BAHCC1: variants seen among roughly 807,000 people sequenced by gnomAD.
The protein encoded by BAHCC1 is BAH domain and coiled-coil containing 1, also known as BAH and coiled-coil domain-containing protein 1.
Under a neutral mutation model 88.2 loss-of-function variants are expected in BAHCC1, and 43 were observed. The ratio of observed to expected loss-of-function variants is 0.49; its 90% confidence interval spans 0.38 to 0.63. The LOEUF (loss-of-function observed/expected upper bound fraction) is 0.63. BAHCC1 is among the 20% of genes least tolerant of loss of function. BAHCC1 has a pLI of 0.00. For missense variants in BAHCC1, 3,023 were observed against 1,654.8 expected, an observed-to-expected ratio of 1.83 and a Z score of -14.34; for synonymous variants, 1,510 against 745.5, an observed-to-expected ratio of 2.03 and a Z score of -16.71.
intron 2 of BAHCC1, among the ~76,000 whole-genome samples, chr17:81,426,135 T>G (rs1207994819): frequency 1.1e-3 from 82 of 76,656 alleles, no homozygotes; most frequent in African/African-American, 1.2e-3. Context: ...TAGTGGTTGG[T>G]GGTGATAGTG....
chr17:81,451,958 C>G lies in BAHCC1; in HGVS notation c.4180-13C>G. ...CTGGCCCGGCTCACAGGCCCCTGTG[C>G]CCCCCCCACCAGGTGTGCCCCCTGA... On this transcript the variant is annotated splice_polypyrimidine_tract_variant and intron_variant, in intron 12 of 27. Transcript: ENST00000675386. The G allele has an allele frequency of 1.9e-6, 1 of 539,928 alleles. No individual in the cohort carries two copies. Among genetic ancestry groups the G allele is most frequent in the Non-Finnish European group, 3.2e-6 (1 of 308,074 alleles). 33.4% of individuals were successfully genotyped at this position (539,928 alleles called of 1,614,324 possible).
intron 3 of BAHCC1, among the ~76,000 whole-genome samples, chr17:81,428,914 C>T (rs958454835): frequency 1.6e-4 from 24 of 152,210 alleles, no homozygotes; most frequent in Admixed American, 1.6e-3. Flanking sequence ...CCACAAGTGT[C>T]GACGTGAGCC....
intron 2 of BAHCC1, among the ~76,000 whole-genome samples, chr17:81,421,152 C>A (rs1249592308): frequency 6.6e-6 from 1 of 152,242 alleles, no homozygotes; most frequent in Admixed American, 6.5e-5. Flanking sequence ...AAGACCCCCT[C>A]CCTGGCCCCC....
chr17:81,458,596 C>T (rs1555658161), intron 18 of BAHCC1, 25 bp from the exon 19 acceptor site: 1 of 711,700 alleles, frequency 1.4e-6, no homozygotes, highest in South Asian at 1.5e-5. Flanking sequence ...TTGACTCAGC[C>T]CCTTCTCTGC....
rs1251390982 is a variant in BAHCC1, at chr17:81,447,690, T to C, written c.3818T>C (p.Leu1273Pro). Residue 1273 changes from leucine to proline, a missense_variant, in exon 11 of 28, where the codon CTG (leucine) becomes CCG (proline). Transcript: ENST00000675386. ...GCCGCCACCATCAACCTGGGGGACC[T>C]GCCCAGCGACAGCCCACCGGACCCT... ...LVAATINLGD[L>P]PSDSPPDPQP... 1 of 736,602 alleles carries C rather than the reference T, an allele frequency of 1.4e-6. No individual in the cohort carries two copies. Among genetic ancestry groups the C allele is most frequent in the Non-Finnish European group, 2.5e-6 (1 of 396,612 alleles). 45.6% of individuals were successfully genotyped at this position (736,602 alleles called of 1,614,324 possible).
intron 2 of BAHCC1, among the ~76,000 whole-genome samples, chr17:81,408,960 G>A (rs1456093624): frequency 1.1e-4 from 16 of 152,236 alleles, no homozygotes; most frequent in Admixed American, 6.5e-4. Flanking sequence ...CTCAGGTGAC[G>A]CGCACAGGCA....
rs2143613341 is a variant in BAHCC1, at chr17:81,455,188, C to CACT, written c.4446-76_4446-74dup. ...GAGGAGGGTGACCCACAGTGTGACC[C>CACT]ACTACAGAGACAGTAGGGGGACAAG... On this transcript the variant is annotated intron_variant, in intron 14 of 27. Coordinates refer to ENST00000675386, the MANE Select transcript of BAHCC1 (RefSeq NM_001377448.1). The CACT allele has an allele frequency of 7.4e-6, 5 of 677,518 alleles. No homozygotes were observed. The South Asian group carries it at 7.7e-5, about 10-fold the overall frequency. The allele number at this position is 677,518 out of a possible 1,614,324, so 42.0% of individuals were successfully genotyped here. A position where few individuals can be genotyped will look rare whatever the true frequency, so the allele number is the denominator to read the frequency against.
At position 81,459,045 on chromosome 17, in the gene BAHCC1, T is replaced by C; in HGVS notation, c.5606-9T>C. On this transcript the variant is annotated splice_polypyrimidine_tract_variant and intron_variant, in intron 20 of 27. Transcript: ENST00000675386. ...GGCCGTGCCGGCCGCTGACACCTTG[T>C]GCCCACAGCGCGCTCGTGTGCCATC... 1 of 748,278 alleles carries C rather than the reference T, an allele frequency of 1.3e-6. No homozygotes were observed. The highest frequency in any genetic ancestry group is 2.5e-6 in the Non-Finnish European group (1 of 402,556). 46.4% of individuals were successfully genotyped at this position (748,278 alleles called of 1,614,324 possible).
intron 3 of BAHCC1, among the ~76,000 whole-genome samples, chr17:81,437,438 C>T (rs1188631663): frequency 6.6e-6 from 1 of 152,326 alleles, no homozygotes; most frequent in East Asian, 1.9e-4. Context: ...GGCTGGTGTC[C>T]CTGGTGTCCA....
rs1555654196 is a variant in BAHCC1, at chr17:81,445,787, A to C, written c.3163+106A>C. ...CGGGCTGCCTGCAGGGAGGCGCCAC[A>C]CCTGCCCAGACCCAGGGCAGCATGG... On this transcript the variant is annotated intron_variant, in intron 10 of 27. Coordinates refer to ENST00000675386, the MANE Select transcript of BAHCC1 (RefSeq NM_001377448.1). 3 of 635,732 alleles carry C rather than the reference A, an allele frequency of 4.7e-6. No homozygotes were observed. In the East Asian group the frequency reaches 8.2e-5, roughly 17 times the overall value. 39.4% of individuals were successfully genotyped at this position (635,732 alleles called of 1,614,324 possible).
rs782201899 is a variant in BAHCC1 at position 81,447,815 on chromosome 17, A to G, written c.3943A>G (p.Ile1315Val). 11 of 748,920 alleles carry G rather than the reference A, an allele frequency of 1.5e-5. No homozygotes were observed. The highest frequency in any genetic ancestry group is 2.2e-5 in the Non-Finnish European group (9 of 402,678). 46.4% of individuals were successfully genotyped at this position (748,920 alleles called of 1,614,324 possible). ...GCTCAGCGAGCTGGCTGACCTGGCA[A>G]TCCAGCGGCAGAGGAGTGAGAGGAC... is the stretch of plus-strand genomic sequence containing the variant. ...ALLSELADLA[I>V]QRQRSERTVP... Residue 1315 changes from isoleucine (I) to valine (V), a missense_variant, in exon 11 of 28, where the codon ATC becomes GTC. Physicochemically the swap from Ile to Val is conservative, Grantham distance 29 (BLOSUM62 3). Transcript: ENST00000675386.
At chr17:81,400,040 T>A in intron 2 of BAHCC1, 123 bp downstream of exon 2, 1 of 895,566 alleles carries the variant, frequency 1.1e-6, no homozygotes, top group Non-Finnish European at 1.4e-6. Flanking sequence ...CCGCGGTGGC[T>A]GCCTGGGCGC....
chr17:81,420,031 T>G (rs914649073), intron 2 of BAHCC1, among the ~76,000 whole-genome samples: 4 of 152,060 alleles, frequency 2.6e-5, no homozygotes, highest in Non-Finnish European at 5.9e-5. Context: ...GCCATCCGAT[T>G]GCCCAGGCCC....
Position 81,435,744 on chromosome 17 carries a change from T to C in BAHCC1, c.359-2626T>C, listed in dbSNP as rs1234219718. Among the ~76,000 whole-genome samples, 5 of 147,476 alleles carry C rather than the reference T, an allele frequency of 3.4e-5. No homozygotes were observed. The highest frequency in any genetic ancestry group is 1.5e-5 in the Non-Finnish European group (1 of 66,896). ...CCCTCCCCAGGACCACCACCCCCACTCCTCAGTGGCAACCCCTTCCAGGAT... is the reference window on the plus strand; with the variant it reads ...CCCTCCCCAGGACCACCACCCCCACCCCTCAGTGGCAACCCCTTCCAGGAT... On this transcript the variant is annotated intron_variant, in intron 3 of 27. Coordinates refer to ENST00000675386, the MANE Select transcript of BAHCC1 (RefSeq NM_001377448.1). This position sits in a 1 kb window ranked among gnomAD's most constrained non-coding sequence, Gnocchi z 4.4.
intron 2 of BAHCC1, among the ~76,000 whole-genome samples, chr17:81,408,508 C>T (rs1477159606): frequency 2.0e-5 from 3 of 151,684 alleles, no homozygotes; most frequent in Non-Finnish European, 4.4e-5. Flanking sequence ...TTTACTTGGG[C>T]AGCTTCTACA....
At chr17:81,418,796 C>CGTGCAT (rs1555649118) in intron 2 of BAHCC1, among the ~76,000 whole-genome samples, 78 of 144,918 alleles carry the variant, frequency 5.4e-4, no homozygotes, top group African/African-American at 2.0e-3. Flanking sequence ...TACGTGTGTG[C>CGTGCAT]GTGTGTGTGT....
chr17:81,415,529 G>A (rs1555648500), intron 2 of BAHCC1: 1 of 515,904 alleles, frequency 1.9e-6, no homozygotes, highest in African/African-American at 1.9e-5. Flanking sequence ...ACTTTAGTGG[G>A]GGCCGGTCCC....
Position 81,435,367 on chromosome 17 carries a change from G to C in BAHCC1, c.359-3003G>C, listed in dbSNP as rs1555651570. On this transcript the variant is annotated intron_variant, in intron 3 of 27. Coordinates refer to ENST00000675386, the MANE Select transcript of BAHCC1 (RefSeq NM_001377448.1). The surrounding 1 kb of genome is among the most constrained non-coding windows in gnomAD (Gnocchi z 4.4). ...AGTTTGGAGTCTCCTGCCCACCGCAGTAGCAGGGGCAGGATGTGGGGACCT... is the reference window on the plus strand; with the variant it reads ...AGTTTGGAGTCTCCTGCCCACCGCACTAGCAGGGGCAGGATGTGGGGACCT... 2.2e-6 allele frequency: 1 copy of C among 458,794 alleles called. No homozygotes were observed. The highest frequency in any genetic ancestry group is 4.4e-6 in the Non-Finnish European group (1 of 224,740). The allele number at this position is 458,794 out of a possible 1,614,324, so 28.4% of individuals were successfully genotyped here.
At chr17:81,446,880 T>C in intron 10 of BAHCC1, 156 bp from the exon 11 acceptor site, 1 of 668,462 alleles carries the variant, frequency 1.5e-6, no homozygotes, top group East Asian at 2.7e-5. Context: ...AACGTAACCC[T>C]TTCCCCGCCA....
Sources: gnomAD v4.1 joint callset for allele counts (sites outside exome capture counted in the v4.1 genomes callset) on GRCh38, gnomAD v4.1.1 for gene constraint, Gnocchi (gnomAD v3.1) non-coding constraint, MANE v1.5 for transcripts, NCBI Gene and HGNC (gene_info 2026-07-23, HGNC 2026-07-21) for gene names.